Variants in LAMA2 observed in about 807,000 individuals in gnomAD.
LAMA2 encodes laminin subunit alpha-2.
A neutral mutation model predicts 364.8 loss-of-function variants in LAMA2; 269 were observed. The ratio of observed to expected loss-of-function variants is 0.74; its 90% CI spans 0.67 to 0.82. LAMA2 has a LOEUF of 0.82. Among genes scored for constraint, LAMA2 ranks in the 40% least tolerant of loss-of-function variants. The pLI, the probability that LAMA2 is intolerant of heterozygous loss-of-function variation, is 0.00. For synonymous variants in LAMA2, 1,379 were observed against 1,370.6 expected (o/e 1.01, Z -0.14); for missense variants, 3,807 against 3,873.2 (o/e 0.98, Z 0.45).
chr6:129,258,336 A>G (rs1000215206), intron 14 of LAMA2, among the ~76,000 whole-genome samples: 5 of 152,128 alleles, frequency 3.3e-5, no homozygotes, highest in African/African-American at 1.2e-4. Context: ...TCGAAGGTAG[A>G]AACAATCCAA....
At chr6:128,911,050 C>T (rs961094277) in intron 1 of LAMA2, among the ~76,000 whole-genome samples, 21 of 151,764 alleles carry the variant, frequency 1.4e-4, no homozygotes, top group South Asian at 4.2e-4. Flanking sequence ...AGCTGTCAGA[C>T]AGGGACATTT....
In LAMA2 at chr6:129,516,403, C is replaced by CAACCCCAGGAAGAGTCTGTCA; in HGVS notation, c.*58_*59insCCCCAGGAAGAGTCTGTCAAA. The CAACCCCAGGAAGAGTCTGTCA allele has an allele frequency of 6.6e-7, 1 of 1,522,852 alleles. No individual in the cohort carries two copies. Among genetic ancestry groups the CAACCCCAGGAAGAGTCTGTCA allele is most frequent in the Non-Finnish European group, 9.0e-7 (1 of 1,106,910 alleles). The allele number at this position is 1,522,852 out of a possible 1,614,324, so 94.3% of individuals were successfully genotyped here. A position where few individuals can be genotyped will look rare whatever the true frequency, so the allele number is the denominator to read the frequency against. ...GTCAAAACAAGTATATCAAGTAAAA[C>CAACCCCAGGAAGAGTCTGTCA]AAACAAATATATTTTACCTATATAT... On this transcript the variant is annotated 3_prime_UTR_variant, in exon 65 of 65. Transcript: ENST00000421865.
chr6:129,182,182 T>G (rs1046768858), intron 10 of LAMA2, among the ~76,000 whole-genome samples: 1 of 151,870 alleles, frequency 6.6e-6, no homozygotes, highest in African/African-American at 2.4e-5. Context: ...ATTGAGATAA[T>G]TTTTAAAGGT....
intron 17 of LAMA2, among the ~76,000 whole-genome samples, chr6:129,276,457 A>G (rs982580459): frequency 6.6e-5 from 10 of 152,214 alleles, no homozygotes; most frequent in Non-Finnish European, 8.8e-5. Flanking sequence ...ATTCTCACAC[A>G]TTGACTTAAT....
chr6:129,022,762 T>A (rs7758064), intron 1 of LAMA2, among the ~76,000 whole-genome samples: 2 of 152,206 alleles, frequency 1.3e-5, no homozygotes, highest in Non-Finnish European at 2.9e-5. Context: ...ACTTTCTATT[T>A]AAAGAGGACT....
At position 128,914,240 on chromosome 6, in the gene LAMA2, G is replaced by A. The variant is rs145891953; in HGVS notation, c.112+30883G>A. 6.6e-5 allele frequency among the ~76,000 whole-genome samples: 10 copies of A among 152,250 alleles called. No individual in the cohort carries two copies. In the East Asian group the frequency reaches 9.6e-4, roughly 15 times the overall value. On this transcript the variant is annotated intron_variant, in intron 1 of 64. Coordinates refer to ENST00000421865, the MANE Select transcript of LAMA2 (RefSeq NM_000426.4). ...AAAAACCAGCTGGTTCTGGGATGTC[G>A]TAACAATTTGATACTTCAAACCAAT...
intron 3 of LAMA2, among the ~76,000 whole-genome samples, chr6:129,095,952 G>A (rs947715267): frequency 2.0e-5 from 3 of 151,676 alleles, no homozygotes; most frequent in African/African-American, 4.8e-5. Flanking sequence ...AAAGCTAGAG[G>A]CCCTGGCCTC....
chr6:129,342,872 A>G (rs536933075), intron 30 of LAMA2, among the ~76,000 whole-genome samples: 3 of 152,050 alleles, frequency 2.0e-5, no homozygotes, highest in African/African-American at 7.2e-5. Flanking sequence ...CATTTATTTT[A>G]TGTGTTTAAT....
Position 129,427,100 on chromosome 6 carries a change from C to T in LAMA2, c.5866-652C>T, listed in dbSNP as rs139794220. Among the ~76,000 whole-genome samples, 412 of 152,286 alleles carry T rather than the reference C, an allele frequency of 2.7e-3. 2 individuals carry two copies. The highest frequency in any genetic ancestry group is 8.1e-3 in the African/African-American group (338 of 41,560). ...TCCTTTTCCCATATCATTCTATTAACTTTGTGTCACCTTTTTTAATCTGAG... is the reference window on the plus strand; with the variant it reads ...TCCTTTTCCCATATCATTCTATTAATTTTGTGTCACCTTTTTTAATCTGAG... On this transcript the variant is annotated intron_variant, in intron 40 of 64. Coordinates refer to ENST00000421865, the MANE Select transcript of LAMA2 (RefSeq NM_000426.4).
Position 129,329,115 on chromosome 6 carries a change from CT to C in LAMA2, c.4311+704del, listed in dbSNP as rs1719466571. ...TCACTGTAAGAAATTCAGGTTGCCC[CT>C]GTCACCACTTGTCCCTCAAGCTGTA... On this transcript the variant is annotated intron_variant, in intron 29 of 64. Transcript: ENST00000421865. 2.0e-5 allele frequency among the ~76,000 whole-genome samples: 3 copies of C among 152,134 alleles called. No individual in the cohort carries two copies. In the South Asian group the frequency reaches 6.2e-4, roughly 31 times the overall value.
At chr6:129,117,492 A>G (rs147135003) in intron 4 of LAMA2, among the ~76,000 whole-genome samples, 8 of 152,278 alleles carry the variant, frequency 5.3e-5, no homozygotes, top group Non-Finnish European at 8.8e-5. Context: ...GTGCAGGCAA[A>G]TTCTCAGAGT....
intron 1 of LAMA2, among the ~76,000 whole-genome samples, chr6:128,969,187 T>A (rs1160924645): frequency 6.6e-6 from 1 of 152,146 alleles, no homozygotes; most frequent in African/African-American, 2.4e-5. Flanking sequence ...GGAGGGAAGA[T>A]GACAGACGGA....
At chr6:128,884,207 T>G (rs1776018839) in intron 1 of LAMA2, among the ~76,000 whole-genome samples, 1 of 152,180 alleles carries the variant, frequency 6.6e-6, no homozygotes, top group African/African-American at 2.4e-5. Flanking sequence ...TGAAGAGTTA[T>G]TTTATTATCA....
chr6:129,116,120 A>G (rs1433668296), intron 4 of LAMA2, among the ~76,000 whole-genome samples: 2 of 152,146 alleles, frequency 1.3e-5, no homozygotes, highest in African/African-American at 4.8e-5. Flanking sequence ...ACATTATAAA[A>G]GCAGGTAGAG....
At chr6:129,404,729 G>A (rs1780157204) in intron 40 of LAMA2, among the ~76,000 whole-genome samples, 1 of 152,092 alleles carries the variant, frequency 6.6e-6, no homozygotes, top group Non-Finnish European at 1.5e-5. Flanking sequence ...CCAAACACAT[G>A]AGAATTTTTT....
intron 42 of LAMA2, among the ~76,000 whole-genome samples, chr6:129,439,158 T>C (rs11753445): frequency 0.46 from 69,799 of 151,650 alleles, 16,335 homozygotes; most frequent in African/African-American, 0.53. Context: ...TAGCCTCCCA[T>C]ATACTTTAAT....
chr6:128,943,954 G>A (rs767054234), intron 1 of LAMA2, among the ~76,000 whole-genome samples: 6 of 152,262 alleles, frequency 3.9e-5, no homozygotes, highest in South Asian at 4.1e-4. Flanking sequence ...GATTTTCATC[G>A]GTTAGAGTGA....
chr6:129,457,750 CA>C (rs1427286271), intron 48 of LAMA2, among the ~76,000 whole-genome samples: 1 of 152,000 alleles, frequency 6.6e-6, no homozygotes, highest in Non-Finnish European at 1.5e-5. Flanking sequence ...TATAAATAAA[CA>C]AACATTTATT....
intron 41 of LAMA2, among the ~76,000 whole-genome samples, chr6:129,435,797 G>A (rs888074668): frequency 2.6e-5 from 4 of 152,108 alleles, no homozygotes; most frequent in Admixed American, 6.6e-5. Context: ...TCCAGACACC[G>A]ATAGTTCAGA....
Sources: gnomAD v4.1 joint callset for allele counts (sites outside exome capture counted in the v4.1 genomes callset) on GRCh38, gnomAD v4.1.1 for gene constraint, MANE v1.5 for transcripts, NCBI Gene and HGNC (gene_info 2026-07-23, HGNC 2026-07-21) for gene names.